Variants in HS2ST1 observed in about 807,000 individuals in gnomAD.
HS2ST1 encodes heparan sulfate 2-O-sulfotransferase 1.
HS2ST1 carries 18 observed loss-of-function variants against 42.9 expected under a neutral mutation model. The ratio of observed to expected loss-of-function variants is 0.42; its 90% confidence interval spans 0.29 to 0.62. The LOEUF (loss-of-function observed/expected upper bound fraction) is 0.62, where lower values mean the gene tolerates loss of function less well. Ranked by LOEUF, HS2ST1 falls within the 20% of genes least tolerant of loss-of-function variation. The pLI, the probability that HS2ST1 is intolerant of heterozygous loss-of-function variation, is 0.21. For missense variants in HS2ST1, 334 were observed against 433.8 expected (o/e 0.77, Z 2.04); for synonymous variants, 146 against 152.9 (o/e 0.95, Z 0.33).
At chr1:86,972,931 G>T (rs538485068) in intron 1 of HS2ST1, among the ~76,000 whole-genome samples, 3 of 152,146 alleles carry the variant, frequency 2.0e-5, no homozygotes, top group Non-Finnish European at 4.4e-5. Context: ...GCTACACTTT[G>T]AGTTTGTACA....
chr1:86,967,324 G>A (rs548044211), intron 1 of HS2ST1, among the ~76,000 whole-genome samples: 6 of 152,140 alleles, frequency 3.9e-5, no homozygotes, highest in Admixed American at 2.0e-4. Context: ...AGAGCTTTTG[G>A]GGTACAGGTG....
intron 1 of HS2ST1, among the ~76,000 whole-genome samples, chr1:87,009,143 G>T (rs1337667757): frequency 6.6e-6 from 1 of 152,206 alleles, no homozygotes; most frequent in Non-Finnish European, 1.5e-5. Context: ...CCCAGAAGGA[G>T]TTTGAAATTA....
At chr1:86,972,548 G>C (rs1648263229) in intron 1 of HS2ST1, among the ~76,000 whole-genome samples, 1 of 152,080 alleles carries the variant, frequency 6.6e-6, no homozygotes, top group South Asian at 2.1e-4. Flanking sequence ...CTCTTATTGT[G>C]CCTAATTTGT....
At chr1:86,931,523 C>T (rs909749846) in intron 1 of HS2ST1, among the ~76,000 whole-genome samples, 5 of 152,000 alleles carry the variant, frequency 3.3e-5, no homozygotes, top group Admixed American at 6.6e-5. Context: ...AAGCAGATTT[C>T]ATACTTGCAT....
At chr1:86,985,138 G>A (rs61771744) in intron 1 of HS2ST1, among the ~76,000 whole-genome samples, 4 of 150,554 alleles carry the variant, frequency 2.7e-5, no homozygotes, top group African/African-American at 4.9e-5. Context: ...GGCGGATCAC[G>A]AGGTCAGGAG....
rs142885511 is a variant in HS2ST1, at chr1:87,012,352, C to T, written c.125-60582C>T. On this transcript the variant is annotated intron_variant, in intron 1 of 6. Coordinates refer to ENST00000370550, the MANE Select transcript of HS2ST1 (RefSeq NM_012262.4). ...GGGAAGGTGAAGGGGAAGCAAGACA[C>T]GTCTTACATGGTAGCAAGCAAGAGA... 4.6e-3 allele frequency among the ~76,000 whole-genome samples: 702 copies of T among 152,202 alleles called. 4 individuals carry two copies. Among genetic ancestry groups the T allele is most frequent in the Middle Eastern group, 0.02 (6 of 294 alleles).
chr1:86,956,912 T>C (rs1237367033), intron 1 of HS2ST1, among the ~76,000 whole-genome samples: 1 of 152,220 alleles, frequency 6.6e-6, no homozygotes, highest in African/African-American at 2.4e-5. Context: ...ACAGACCTTC[T>C]TTCCTCACCC....
At chr1:87,065,037 C>T (rs372928045) in intron 1 of HS2ST1, among the ~76,000 whole-genome samples, 13 of 152,162 alleles carry the variant, frequency 8.5e-5, no homozygotes, top group African/African-American at 2.9e-4. Flanking sequence ...TCAGTGATTA[C>T]AAAACATTAC....
intron 2 of HS2ST1, among the ~76,000 whole-genome samples, chr1:87,074,177 A>G (rs545014424): frequency 1.7e-4 from 26 of 152,312 alleles, no homozygotes; most frequent in African/African-American, 5.8e-4. Flanking sequence ...TCTTTGCAGA[A>G]TCCTGGAGTA....
At chr1:87,102,351 C>T (rs2100657497) in intron 5 of HS2ST1, among the ~76,000 whole-genome samples, 1 of 152,278 alleles carries the variant, frequency 6.6e-6, no homozygotes, top group South Asian at 2.1e-4. Context: ...AGCCACCGCA[C>T]CAGGCCCCCA....
chr1:87,083,240 A>G (rs375044299), intron 2 of HS2ST1, among the ~76,000 whole-genome samples: 90 of 152,268 alleles, frequency 5.9e-4, no homozygotes, highest in African/African-American at 1.9e-3. Context: ...CCCCTATTCT[A>G]TGATGTAAGT....
At chr1:87,098,107 T>A in intron 5 of HS2ST1, 172 bp downstream of exon 5, 1 of 1,391,338 alleles carries the variant, frequency 7.2e-7, no homozygotes, top group Non-Finnish European at 9.4e-7. Context: ...TTTAAAAGAT[T>A]CCTCATGTAG....
chr1:86,965,858 A>T (rs937397878), intron 1 of HS2ST1, among the ~76,000 whole-genome samples: 19 of 152,236 alleles, frequency 1.2e-4, no homozygotes, highest in African/African-American at 4.6e-4. Flanking sequence ...ACAAGGAATG[A>T]TATGAATAAG....
At chr1:87,010,583 C>T (rs1356111493) in intron 1 of HS2ST1, among the ~76,000 whole-genome samples, 1 of 151,780 alleles carries the variant, frequency 6.6e-6, no homozygotes, top group East Asian at 1.9e-4. Flanking sequence ...ACAAATTAAA[C>T]ATTTTTATTT....
intron 1 of HS2ST1, among the ~76,000 whole-genome samples, chr1:87,064,967 A>C (rs1651211617): frequency 2.0e-5 from 3 of 152,208 alleles, no homozygotes; most frequent in African/African-American, 7.2e-5. Context: ...GCACCTGGCC[A>C]GGCTAACAAT....
chr1:87,076,343 A>G (rs1651542662), intron 2 of HS2ST1, among the ~76,000 whole-genome samples: 1 of 152,204 alleles, frequency 6.6e-6, no homozygotes, highest in East Asian at 1.9e-4. Context: ...TTAAATATGA[A>G]TGACAACTAT....
chr1:86,979,095 A>G (rs1055109304), intron 1 of HS2ST1, among the ~76,000 whole-genome samples: 2 of 152,080 alleles, frequency 1.3e-5, no homozygotes, highest in Admixed American at 1.3e-4. Flanking sequence ...AGCTTAAGCA[A>G]TCCGCCTGCC....
chr1:86,942,435 G>A (rs1451699187), intron 1 of HS2ST1, among the ~76,000 whole-genome samples: 1 of 152,088 alleles, frequency 6.6e-6, no homozygotes, highest in East Asian at 1.9e-4. Flanking sequence ...TGTTCTATTT[G>A]GTTTAGATTA....
intron 6 of HS2ST1, 104 bp downstream of exon 6, chr1:87,103,693 A>T: frequency 1.1e-6 from 1 of 939,032 alleles, no homozygotes; most frequent in Non-Finnish European, 1.6e-6. Context: ...AACACAACAG[A>T]TAGCTCCAGA....
Sources: gnomAD v4.1 joint callset for allele counts (sites outside exome capture counted in the v4.1 genomes callset) on GRCh38, gnomAD v4.1.1 for gene constraint, MANE v1.5 for transcripts, NCBI Gene and HGNC (gene_info 2026-07-23, HGNC 2026-07-21) for gene names.